The following ZNF385D variants were observed in gnomAD, a reference collection of about 807,000 sequenced individuals.
ZNF385D encodes the protein zinc finger protein 659.
Under a neutral mutation model 35.8 loss-of-function variants are expected in ZNF385D, and 15 were observed. That is an observed-to-expected ratio of 0.42 (90% CI 0.28 to 0.64). The LOEUF (loss-of-function observed/expected upper bound fraction) is 0.64, where lower values mean the gene tolerates loss of function less well. Among genes scored for constraint, ZNF385D ranks in the 30% least tolerant of loss-of-function variants. ZNF385D has a pLI of 0.23. For synonymous variants in ZNF385D, 212 were observed against 186.8 expected (o/e 1.13, Z -1.10); for missense variants, 474 against 494.6 (o/e 0.96, Z 0.39).
At chr3:21,639,512 TTAAA>T (rs1269170000) in intron 2 of ZNF385D, among the ~76,000 whole-genome samples, 4 of 152,212 alleles carry the variant, frequency 2.6e-5, no homozygotes, top group African/African-American at 4.8e-5. Flanking sequence ...CTTTATGTCA[TTAAA>T]TATTCTTTCA....
chr3:21,521,097 T>A (rs937732975), intron 3 of ZNF385D, among the ~76,000 whole-genome samples: 2 of 152,226 alleles, frequency 1.3e-5, no homozygotes, highest in African/African-American at 4.8e-5. Context: ...TAGTTCTGAT[T>A]GTTCCTTTTA....
At chr3:21,694,488 T>G (rs1003387001) in intron 1 of ZNF385D, among the ~76,000 whole-genome samples, 8 of 152,186 alleles carry the variant, frequency 5.3e-5, no homozygotes, top group Admixed American at 3.9e-4. Flanking sequence ...CTGCTTTCTC[T>G]CAGCCCTCTG....
In ZNF385D at chr3:22,124,268, G is replaced by T. The variant is rs139975284; in HGVS notation, c.325+44549C>A. Among the ~76,000 whole-genome samples, 27 of 152,074 alleles carry T rather than the reference G, an allele frequency of 1.8e-4. No homozygotes were observed. In the East Asian group the frequency reaches 5.0e-3, roughly 28 times the overall value. On this transcript the variant is annotated intron_variant, in intron 3 of 5. Coordinates refer to the ZNF385D transcript ENST00000494108. Reference sequence around the variant, plus strand: ...TGCAAATGACATGATCTCATTCTTTGTAATGGCTGAATAGTACTTCATTGT... The same window carrying T: ...TGCAAATGACATGATCTCATTCTTTTTAATGGCTGAATAGTACTTCATTGT...
chr3:21,976,108 T>C (rs2125355058), intron 3 of ZNF385D, among the ~76,000 whole-genome samples: 1 of 152,246 alleles, frequency 6.6e-6, no homozygotes, highest in Admixed American at 6.5e-5. Flanking sequence ...TCCTGAACCT[T>C]ACTGAAGCTG....
intron 4 of ZNF385D, among the ~76,000 whole-genome samples, chr3:21,456,188 A>G (rs1159531242): frequency 2.0e-5 from 3 of 152,158 alleles, no homozygotes; most frequent in Admixed American, 6.5e-5. Flanking sequence ...TGATTCCTCA[A>G]GGATCTAGAA....
chr3:22,286,279 G>A (rs760974871), intron 2 of ZNF385D, among the ~76,000 whole-genome samples: 4 of 151,966 alleles, frequency 2.6e-5, no homozygotes, highest in Admixed American at 6.6e-5. Context: ...CATGCAAAGC[G>A]TAAGCTAAAC....
intron 2 of ZNF385D, among the ~76,000 whole-genome samples, chr3:22,352,779 T>C (rs1695976235): frequency 6.6e-6 from 1 of 152,186 alleles, no homozygotes; most frequent in South Asian, 2.1e-4. Flanking sequence ...CAAACAACTA[T>C]TACGTGTTTT....
At chr3:21,858,683 A>G (rs1696871729) in intron 3 of ZNF385D, among the ~76,000 whole-genome samples, 1 of 152,128 alleles carries the variant, frequency 6.6e-6, no homozygotes, top group Non-Finnish European at 1.5e-5. Context: ...TGTCATATAT[A>G]AACTACTCAG....
chr3:21,722,357 C>T (rs1217524391), intron 1 of ZNF385D, among the ~76,000 whole-genome samples: 1 of 152,192 alleles, frequency 6.6e-6, no homozygotes, highest in African/African-American at 2.4e-5. Flanking sequence ...ATCCTTCTTC[C>T]TCTCTCGTCC....
chr3:21,962,809 G>A (rs909680861), intron 3 of ZNF385D, among the ~76,000 whole-genome samples: 1 of 152,040 alleles, frequency 6.6e-6, no homozygotes, highest in Non-Finnish European at 1.5e-5. Context: ...TCCTGATGAG[G>A]GAACATTAAT....
intron 4 of ZNF385D, among the ~76,000 whole-genome samples, chr3:21,500,280 T>C (rs553255491): frequency 2.0e-5 from 3 of 152,184 alleles, no homozygotes; most frequent in Non-Finnish European, 4.4e-5. Flanking sequence ...TTAAAATAAT[T>C]CCTAGCAAGA....
intron 3 of ZNF385D, among the ~76,000 whole-genome samples, chr3:22,001,763 ATAAAG>A (rs1695858424): frequency 1.3e-5 from 2 of 152,116 alleles, no homozygotes; most frequent in Admixed American, 6.5e-5. Flanking sequence ...TCTAAATCCT[ATAAAG>A]TATTTTTTCA....
intron 1 of ZNF385D, among the ~76,000 whole-genome samples, chr3:21,701,922 T>C (rs1357566978): frequency 6.6e-6 from 1 of 152,166 alleles, no homozygotes; most frequent in African/African-American, 2.4e-5. Context: ...TCTCTATGGC[T>C]TTCCAGGGTA....
intron 3 of ZNF385D, among the ~76,000 whole-genome samples, chr3:21,836,481 C>A (rs1291188035): frequency 6.6e-6 from 1 of 152,060 alleles, no homozygotes; most frequent in Non-Finnish European, 1.5e-5. Context: ...CAAACACTGC[C>A]ATGGGATATA....
chr3:22,369,677 T>G (rs1696811244), intron 2 of ZNF385D, among the ~76,000 whole-genome samples: 1 of 152,212 alleles, frequency 6.6e-6, no homozygotes, highest in Non-Finnish European at 1.5e-5. Context: ...ATTTGATAAT[T>G]CCATTCATGT....
intron 3 of ZNF385D, among the ~76,000 whole-genome samples, chr3:21,821,314 T>C (rs1242227831): frequency 1.3e-5 from 2 of 152,180 alleles, no homozygotes; most frequent in Non-Finnish European, 2.9e-5. Context: ...AAATTGTCCT[T>C]ATCTCAATAG....
chr3:22,073,739 G>A (rs1478765965), intron 3 of ZNF385D, among the ~76,000 whole-genome samples: 1 of 151,962 alleles, frequency 6.6e-6, no homozygotes, highest in Non-Finnish European at 1.5e-5. Flanking sequence ...ATTAAGAACT[G>A]TTTGCTGAAT....
intron 3 of ZNF385D, among the ~76,000 whole-genome samples, chr3:21,924,157 C>G (rs1410155137): frequency 6.6e-6 from 1 of 152,130 alleles, no homozygotes; most frequent in African/African-American, 2.4e-5. Context: ...CTTCTGCTTC[C>G]TGGAAAATGG....
intron 3 of ZNF385D, among the ~76,000 whole-genome samples, chr3:21,988,536 C>G (rs1457684562): frequency 4.4e-5 from 6 of 137,342 alleles, no homozygotes; most frequent in African/African-American, 1.5e-4. Context: ...TCTCAGATCT[C>G]CAGCTGCATG....
Sources: gnomAD v4.1 joint callset for allele counts (sites outside exome capture counted in the v4.1 genomes callset) on GRCh38, gnomAD v4.1.1 for gene constraint, MANE v1.5 for transcripts, NCBI Gene and HGNC (gene_info 2026-07-23, HGNC 2026-07-21) for gene names.